The following PKNOX2 variants were observed in gnomAD, a reference collection of about 807,000 sequenced individuals.
PKNOX2 encodes the protein PBX/knotted 1 homeobox 2.
Under a neutral mutation model 53.1 loss-of-function variants are expected in PKNOX2, and 14 were observed. The observed-to-expected ratio is 0.26, with a 90% CI of 0.17 to 0.41. The LOEUF (loss-of-function observed/expected upper bound fraction) is 0.41. PKNOX2 is among the 10% of genes least tolerant of loss of function. The pLI, the probability that PKNOX2 is intolerant of heterozygous loss-of-function variation, is 1.00. For synonymous variants in PKNOX2, 257 were observed against 242.8 expected (o/e 1.06, Z -0.54); for missense variants, 496 against 602.8 (o/e 0.82, Z 1.85).
chr11:125,198,990 A>T (rs759831020), intron 1 of PKNOX2, among the ~76,000 whole-genome samples: 11 of 151,752 alleles, frequency 7.2e-5, no homozygotes, highest in Non-Finnish European at 2.9e-5. Context: ...ACAGATACCC[A>T]CTACTATGCC....
intron 1 of PKNOX2, among the ~76,000 whole-genome samples, chr11:125,174,774 G>A (rs564958716): frequency 8.5e-4 from 130 of 152,238 alleles, no homozygotes; most frequent in African/African-American, 2.9e-3. Context: ...AGGAGAGCCT[G>A]GCAGAGTGGG....
At chr11:125,294,219 T>A (rs1414003167) in intron 2 of PKNOX2, among the ~76,000 whole-genome samples, 1 of 152,222 alleles carries the variant, frequency 6.6e-6, no homozygotes, top group Non-Finnish European at 1.5e-5. Context: ...ATATTCCTGT[T>A]AAGGAAGCCA....
At chr11:125,395,344 C>T (rs968329852) in intron 6 of PKNOX2, among the ~76,000 whole-genome samples, 4 of 152,082 alleles carry the variant, frequency 2.6e-5, no homozygotes, top group South Asian at 2.1e-4. Flanking sequence ...GGGTTGTTTC[C>T]GATTTTTGAC....
intron 3 of PKNOX2, among the ~76,000 whole-genome samples, chr11:125,334,112 A>T (rs1863448): frequency 0.087 from 13,259 of 152,128 alleles, 1,914 homozygotes; most frequent in African/African-American, 0.3. Flanking sequence ...AGGTTGGTAC[A>T]GGACAGATTC....
intron 1 of PKNOX2, among the ~76,000 whole-genome samples, chr11:125,179,041 C>A (rs1325553645): frequency 2.0e-5 from 3 of 152,192 alleles, no homozygotes; most frequent in Admixed American, 2.0e-4. Context: ...TTTCATGGCT[C>A]TGGCCACACC....
At chr11:125,324,706 T>C (rs1949731232) in intron 2 of PKNOX2, among the ~76,000 whole-genome samples, 1 of 151,842 alleles carries the variant, frequency 6.6e-6, no homozygotes, top group South Asian at 2.1e-4. Context: ...GCTGTGGAGA[T>C]GGAAAGGAAG....
intron 7 of PKNOX2, 103 bp from the exon 8 acceptor site, chr11:125,410,093 G>A: frequency 6.8e-7 from 1 of 1,470,492 alleles, no homozygotes; most frequent in Admixed American, 2.0e-5. Context: ...TAGAAGGAGG[G>A]AGGGGGGCAG....
chr11:125,299,288 C>T (rs1057042642), intron 2 of PKNOX2, among the ~76,000 whole-genome samples: 1 of 152,198 alleles, frequency 6.6e-6, no homozygotes, highest in African/African-American at 2.4e-5. Context: ...ACCTCCGACA[C>T]TGGGGTCACA....
intron 2 of PKNOX2, among the ~76,000 whole-genome samples, chr11:125,279,407 G>A (rs1471872457): frequency 6.6e-6 from 1 of 152,192 alleles, no homozygotes; most frequent in Non-Finnish European, 1.5e-5. Context: ...GCTGATAAAG[G>A]AGACCCGAGA....
chr11:125,337,320 G>A (rs1043426844), intron 3 of PKNOX2, among the ~76,000 whole-genome samples: 8 of 152,100 alleles, frequency 5.3e-5, no homozygotes, highest in Admixed American at 3.3e-4. Flanking sequence ...AGTGTTCTCC[G>A]CCTCTTCGGA....
chr11:125,374,949 G>T (rs1323621380), intron 5 of PKNOX2, among the ~76,000 whole-genome samples: 1 of 150,194 alleles, frequency 6.7e-6, no homozygotes, highest in Admixed American at 6.6e-5. Context: ...GTGGGGTGGG[G>T]TGGGGTGGGA....
intron 2 of PKNOX2, among the ~76,000 whole-genome samples, chr11:125,292,044 A>C (rs1462968288): frequency 6.6e-6 from 1 of 152,182 alleles, no homozygotes; most frequent in African/African-American, 2.4e-5. Context: ...TGTACATTTA[A>C]TGGTTAAAAT....
chr11:125,294,184 T>C (rs1386217912), intron 2 of PKNOX2, among the ~76,000 whole-genome samples: 2 of 152,238 alleles, frequency 1.3e-5, no homozygotes, highest in Non-Finnish European at 2.9e-5. Context: ...GAAACACAAA[T>C]GATTCCTGCT....
At chr11:125,209,961 C>T (rs961015497) in intron 1 of PKNOX2, among the ~76,000 whole-genome samples, 1 of 152,094 alleles carries the variant, frequency 6.6e-6, no homozygotes, top group Admixed American at 6.5e-5. Flanking sequence ...AGCACATGCT[C>T]GAGGTCAGAG....
At chr11:125,325,638 C>CA (rs1258710880) in intron 2 of PKNOX2, among the ~76,000 whole-genome samples, 2 of 152,182 alleles carry the variant, frequency 1.3e-5, no homozygotes, top group Non-Finnish European at 2.9e-5. Flanking sequence ...ACGTCATTGC[C>CA]AAGCCCTTTG....
chr11:125,248,875 G>A (rs373994916), intron 2 of PKNOX2, among the ~76,000 whole-genome samples: 15 of 129,640 alleles, frequency 1.2e-4, no homozygotes, highest in South Asian at 4.8e-4. Flanking sequence ...TATATATAAC[G>A]TATATATATA....
At chr11:125,248,920 TATATA>T (rs1355682392) in intron 2 of PKNOX2, among the ~76,000 whole-genome samples, 1 of 123,476 alleles carries the variant, frequency 8.1e-6, no homozygotes, top group Non-Finnish European at 1.8e-5. Flanking sequence ...ATATATAACA[TATATA>T]ATATACATTA....
intron 6 of PKNOX2, among the ~76,000 whole-genome samples, chr11:125,390,020 C>T (rs1007861158): frequency 2.0e-5 from 3 of 152,126 alleles, no homozygotes; most frequent in African/African-American, 7.2e-5. Flanking sequence ...CTCAGGCCAG[C>T]GGCATTCAGA....
chr11:125,363,738 G>A (rs1275523697), intron 4 of PKNOX2, among the ~76,000 whole-genome samples: 1 of 152,228 alleles, frequency 6.6e-6, no homozygotes, highest in Non-Finnish European at 1.5e-5. Flanking sequence ...CTCTTGGAGT[G>A]GGTAAGATGA....
Sources: allele counts gnomAD v4.1 joint callset (sites outside exome capture counted in the v4.1 genomes callset), GRCh38; gene constraint gnomAD v4.1.1; transcripts MANE v1.5; gene names NCBI Gene and HGNC (gene_info 2026-07-23, HGNC 2026-07-21).